The following PLEC variants were observed in gnomAD, a reference collection of about 807,000 sequenced individuals.
The protein encoded by PLEC is hemidesmosomal protein 1.
A neutral mutation model predicts 392.8 loss-of-function variants in PLEC; 216 were observed. That is an observed-to-expected ratio of 0.55 (90% CI 0.49 to 0.62). PLEC has a LOEUF of 0.62. Among genes scored for constraint, PLEC ranks in the 20% least tolerant of loss-of-function variants. The pLI is 0.00. For missense variants in PLEC, 6,863 were observed against 6,563.4 expected, an observed-to-expected ratio of 1.05 and a Z score of -1.58; for synonymous variants, 3,621 against 2,980.6, an observed-to-expected ratio of 1.21 and a Z score of -7.00.
At chr8:143,951,870 C>G (rs1278323134), upstream of PLEC, among the ~76,000 whole-genome samples, 3 of 152,064 alleles carry the variant, frequency 2.0e-5, no homozygotes, top group East Asian at 5.8e-4. Flanking sequence ...CATCCACCCC[C>G]CCCTCCCCGC....
Position 143,919,667 on chromosome 8 carries a change from G to A in PLEC, c.10154C>T (p.Ala3385Val). Residue 3385 changes from alanine to valine, a missense_variant, in exon 32 of 32, where the codon GCT becomes GTT. Physicochemically the swap from Ala to Val is moderately conservative, Grantham distance 64. Transcript: ENST00000345136. Reference protein sequence around the residue: ...MRRGLLRATTAALLLEAQAAT... With the variant: ...MRRGLLRATTVALLLEAQAAT... ...CGCCTGCGCCTCCAGCAGGAGCGCA[G>A]CCGTTGTGGCTCTCAGCAGGCCCCG... 3 of 1,596,824 alleles carry A rather than the reference G, an allele frequency of 1.9e-6. No individual in the cohort carries two copies. The highest frequency in any genetic ancestry group is 2.6e-6 in the Non-Finnish European group (3 of 1,173,434).
Position 143,929,848 on chromosome 8 carries a change from G to A in PLEC, c.2740-19C>T. ...TGCGGAACTGGGGGAAGCACGTGGGGCTGAGTGCCGGGCGAGGCGGCCGTG... is the reference window on the plus strand; with the variant it reads ...TGCGGAACTGGGGGAAGCACGTGGGACTGAGTGCCGGGCGAGGCGGCCGTG... On this transcript the variant is annotated intron_variant, in intron 22 of 31. Coordinates refer to ENST00000345136, the MANE Select transcript of PLEC (RefSeq NM_201384.3). 2 of 1,600,010 alleles carry A rather than the reference G, an allele frequency of 1.2e-6. No individual in the cohort carries two copies. The highest frequency in any genetic ancestry group is 2.2e-5 in the South Asian group (2 of 90,924).
rs782142607 is a variant in PLEC at position 143,924,383 on chromosome 8, T to G, written c.5546A>C (p.Lys1849Thr). The change falls in exon 31 of 32, where the codon AAG becomes ACG. Residue 1849 changes from lysine (K) to threonine (T), a missense_variant. Transcript: ENST00000345136. The stretch of plus-strand genomic sequence containing the variant: ...CTTGAGCGCGATCTCCGCCTCCGTC[T>G]TGAGCCGCGTGGCCTCGCCGATGGC... ...LAAIGEATRL[K>T]TEAEIALKEK... is the part of the protein sequence containing the mutation. 6.3e-7 allele frequency: 1 copy of G among 1,595,946 alleles called. No individual in the cohort carries two copies. The highest frequency in any genetic ancestry group is 1.3e-5 in the African/African-American group (1 of 74,758).
intron 1 of PLEC, among the ~76,000 whole-genome samples, chr8:143,967,236 G>A (rs1426248566): frequency 2.6e-5 from 4 of 151,648 alleles, no homozygotes; most frequent in Non-Finnish European, 4.4e-5. Context: ...GGTGGCGGGC[G>A]CCTGTAGTCC....
intron 22 of PLEC, 27 bp from the exon 23 acceptor site, chr8:143,929,856 C>T (rs1554712225): frequency 6.3e-7 from 1 of 1,599,946 alleles, no homozygotes; most frequent in South Asian, 1.1e-5. Context: ...GGGCTGAGTG[C>T]CGGGCGAGGC....
rs371565831 is a variant in PLEC, at chr8:143,918,952, G to C, written c.10869C>G (p.Ile3623Met). ...TGATCTCTGTCTTCTCAATGATCTC[G>C]ATGATGATGATGATCATGCGTTCCT... ...VTKERMIIII[I>M]EIIEKTEIIR... The change falls in exon 32 of 32, where the codon ATC becomes ATG. Residue 3623 changes from isoleucine to methionine, a missense_variant. Coordinates refer to ENST00000345136, the MANE Select transcript of PLEC (RefSeq NM_201384.3). 5.0e-6 allele frequency: 8 copies of C among 1,609,782 alleles called. No individual in the cohort carries two copies. In the African/African-American group the frequency reaches 9.3e-5, roughly 19 times the overall value.
Position 143,929,730 on chromosome 8 carries a change from C to T in PLEC, c.2839G>A (p.Gly947Arg), listed in dbSNP as rs367695725. ...LRDSQDAGGF[G>R]PEDRLMAERE... is the part of the protein sequence containing the mutation. ...TCAGCCATCAGCCGGTCCTCGGGTC[C>T]GAAGCCGCCCGCGTCCTGGCTGTCC... is the stretch of plus-strand genomic sequence containing the variant. The change falls in exon 23 of 32, where the codon GGA becomes AGA. Residue 947 changes from glycine (G) to arginine (R), a missense_variant. Gly to Arg is a moderately radical substitution (Grantham distance 125). Coordinates refer to ENST00000345136, the MANE Select transcript of PLEC (RefSeq NM_201384.3). 67 of 1,599,118 alleles carry T rather than the reference C, an allele frequency of 4.2e-5. No homozygotes were observed. The highest frequency in any genetic ancestry group is 2.3e-4 in the African/African-American group (17 of 74,884).
At chr8:143,942,586 C>T (rs1830704137), upstream of PLEC, 1 of 1,467,898 alleles carries the variant, frequency 6.8e-7, no homozygotes, top group East Asian at 2.7e-5. Flanking sequence ...GGCGCCTCTG[C>T]TTCCAGCCCA....
Position 143,938,703 on chromosome 8 carries a change from C to T in PLEC, c.113-11G>A, listed in dbSNP as rs373568737. On this transcript the variant is annotated splice_polypyrimidine_tract_variant and intron_variant, in intron 1 of 31. Coordinates refer to ENST00000345136, the MANE Select transcript of PLEC (RefSeq NM_201384.3). ...CACGATCCCGCTCATCTGGGGGAGA[C>T]AAGACCAGCTTACCTGGGGCCTGGG... 3 of 1,613,446 alleles carry T rather than the reference C, an allele frequency of 1.9e-6. No individual in the cohort carries two copies. The highest frequency in any genetic ancestry group is 1.7e-6 in the Non-Finnish European group (2 of 1,179,814).
chr8:143,918,980 G>A lies in PLEC; in HGVS notation c.10841C>T (p.Thr3614Ile), dbSNP rs1554676787. 6.2e-7 allele frequency: 1 copy of A among 1,611,046 alleles called. No homozygotes were observed. Among genetic ancestry groups the A allele is most frequent in the Non-Finnish European group, 8.5e-7 (1 of 1,179,992 alleles). Residue 3614 changes from threonine (T) to isoleucine (I), a missense_variant, in exon 32 of 32, where the codon ACC becomes ATC. By Grantham distance (89) the Thr-to-Ile change is moderately conservative (BLOSUM62 -1). Transcript: ENST00000345136. ...LMADFQAGRV[T>I]KERMIIIIIE... ...GATGATGATGATCATGCGTTCCTTG[G>A]TCACCCGGCCGGCCTGGAAGTCAGC...
Position 143,916,259 on chromosome 8 carries a change from G to C in PLEC, c.13562C>G (p.Ser4521Cys). Residue 4521 changes from serine to cysteine, a missense_variant, in exon 32 of 32, where the codon TCC (serine) becomes TGC (cysteine). Transcript: ENST00000345136. ...GCGGCCGTAGCCCGAGGAGGAGTAGGAGGATGAAGAGAAGGTCATGGAGAA... is the reference window on the plus strand; with the variant it reads ...GCGGCCGTAGCCCGAGGAGGAGTAGCAGGATGAAGAGAAGGTCATGGAGAA... Reference protein sequence around the residue: ...SGFSMTFSSSSYSSSGYGRRY... With the variant: ...SGFSMTFSSSCYSSSGYGRRY... The C allele has an allele frequency of 6.5e-7, 1 of 1,550,252 alleles. No homozygotes were observed. The highest frequency in any genetic ancestry group is 8.7e-7 in the Non-Finnish European group (1 of 1,147,624).
intron 5 of PLEC, among the ~76,000 whole-genome samples, chr8:143,936,761 G>A (rs1332554468): frequency 2.0e-5 from 3 of 152,222 alleles, no homozygotes; most frequent in Non-Finnish European, 2.9e-5. Flanking sequence ...CAGAGGGCAC[G>A]GATAGGTGGC....
At position 143,920,844 on chromosome 8, in the gene PLEC, C is replaced by G. The variant is rs372847372; in HGVS notation, c.8977G>C (p.Asp2993His). ...TGCAGCTGCTGGTAGAGCTCGCGGT[C>G]GATGACCCTGCTCTCCAGCAGCTCG... ...AAELLESRVI[D>H]RELYQQLQRG... The change falls in exon 32 of 32, where the codon GAC becomes CAC. Residue 2993 changes from aspartate to histidine, a missense_variant. Transcript: ENST00000345136. 1 of 1,609,230 alleles carries G rather than the reference C, an allele frequency of 6.2e-7. No individual in the cohort carries two copies. The highest frequency in any genetic ancestry group is 8.5e-7 in the Non-Finnish European group (1 of 1,179,944).
At chr8:143,944,699 G>A in intron 1 of PLEC, 1 of 1,313,694 alleles carries the variant, frequency 7.6e-7, no homozygotes, top group Admixed American at 3.3e-5. Flanking sequence ...GGCAGACGGA[G>A]CGGGCCAGGG....
upstream of PLEC, among the ~76,000 whole-genome samples, chr8:143,954,564 C>T (rs1257845376): frequency 2.0e-5 from 3 of 152,200 alleles, no homozygotes; most frequent in Admixed American, 6.5e-5. This position sits in a 1 kb window ranked among gnomAD's most constrained non-coding sequence, Gnocchi z 4.6. Flanking sequence ...CCCCCCACGA[C>T]CACCAGGGAC....
intron 1 of PLEC, 138 bp downstream of exon 1, chr8:143,939,212 G>C (rs782515335): frequency 1.7e-6 from 2 of 1,201,630 alleles, no homozygotes; most frequent in East Asian, 5.1e-5. Flanking sequence ...CGTGTTGGGT[G>C]GGGATGGCTG....
chr8:143,933,874 G>A (rs548803911), intron 12 of PLEC, 124 bp downstream of exon 12: 14 of 771,526 alleles, frequency 1.8e-5, no homozygotes, highest in African/African-American at 1.0e-4. Flanking sequence ...CACATGCCCC[G>A]CCCCTGCCCC....
chr8:143,950,878 CGGCTGTGTGGCTCGT>C, upstream of PLEC: 1 of 1,354,874 alleles, frequency 7.4e-7, no homozygotes. Context: ...CGCGGGCTCC[CGGCTGTGTGGCTCGT>C]GGCGCCTGGC....
At chr8:143,930,622 G>A in intron 19 of PLEC, 86 bp from the exon 20 acceptor site, 2 of 1,411,294 alleles carry the variant, frequency 1.4e-6, no homozygotes, top group South Asian at 2.5e-5. Context: ...GACCAGGCCT[G>A]TGGGGCCCTC....
Sources: allele counts gnomAD v4.1 joint callset (sites outside exome capture counted in the v4.1 genomes callset), GRCh38; gene constraint gnomAD v4.1.1; non-coding constraint Gnocchi (gnomAD v3.1); transcripts MANE v1.5; gene names NCBI Gene and HGNC (gene_info 2026-07-23, HGNC 2026-07-21).